COL28A1: variants seen among roughly 807,000 people sequenced by gnomAD.
COL28A1 encodes the protein collagen type XXVIII alpha 1 chain, also known as collagen alpha-1(XXVIII) chain.
A neutral mutation model predicts 150.2 loss-of-function variants in COL28A1; 161 were observed. The observed-to-expected ratio is 1.07, with a 90% CI of 0.94 to 1.22. The LOEUF is 1.22. Among genes scored for constraint, COL28A1 ranks in the 50% most tolerant of loss-of-function variants. COL28A1 has a pLI of 0.00. For synonymous variants in COL28A1, 552 were observed against 469.7 expected, an observed-to-expected ratio of 1.18 and a Z score of -2.26; for missense variants, 1,617 against 1,388.3, an observed-to-expected ratio of 1.16 and a Z score of -2.62.
In COL28A1 at chr7:7,524,253, C is replaced by A. The variant is rs548467851; in HGVS notation, c.682-4G>T. 7.4e-7 allele frequency: 1 copy of A among 1,356,144 alleles called. No individual in the cohort carries two copies. The highest frequency in any genetic ancestry group is 1.4e-5 in the African/African-American group (1 of 70,266). 84.0% of individuals were successfully genotyped at this position (1,356,144 alleles called of 1,614,324 possible). A position where few individuals can be genotyped will look rare whatever the true frequency, so the allele number is the denominator to read the frequency against. ...CCTTCTTTTCAAATAAGATATCCTACAAGGGAAAAAAGAATGAAGCATTAA... is the reference window on the plus strand; with the variant it reads ...CCTTCTTTTCAAATAAGATATCCTAAAAGGGAAAAAAGAATGAAGCATTAA... On this transcript the variant is annotated splice_region_variant and splice_polypyrimidine_tract_variant and intron_variant, in intron 3 of 34. Coordinates refer to ENST00000399429, the MANE Select transcript of COL28A1 (RefSeq NM_001037763.3).
downstream of COL28A1, chr7:7,357,698 T>G (rs1302294818): frequency 6.6e-6 from 1 of 151,806 alleles, no homozygotes; most frequent in African/African-American, 2.4e-5. Flanking sequence ...GCAAGTGCTG[T>G]CTGAACTCAG....
chr7:7,518,795 T>C (rs1781554986), intron 6 of COL28A1, among the ~76,000 whole-genome samples: 1 of 152,122 alleles, frequency 6.6e-6, no homozygotes, highest in African/African-American at 2.4e-5. Flanking sequence ...CAGAAAAAAA[T>C]AATCCTCTGG....
chr7:7,511,962 A>C, intron 8 of COL28A1: 3 of 322,530 alleles, frequency 9.3e-6, no homozygotes, highest in Non-Finnish European at 6.2e-6. Flanking sequence ...CCAATTTTAT[A>C]GATTAAAATT....
chr7:7,531,349 A>C lies in COL28A1; in HGVS notation c.680T>G (p.Leu227Arg). 1 of 1,378,196 alleles carries C rather than the reference A, an allele frequency of 7.3e-7. No homozygotes were observed. The highest frequency in any genetic ancestry group is 1.0e-6 in the Non-Finnish European group (1 of 992,050). The allele number at this position is 1,378,196 out of a possible 1,614,324, so 85.4% of individuals were successfully genotyped here. ...ATAATCAACCCATTAGGTACCTACCAGACGATCTTGAATTTTATCTACAAG... is the reference window on the plus strand; with the variant it reads ...ATAATCAACCCATTAGGTACCTACCCGACGATCTTGAATTTTATCTACAAG... The part of the protein sequence containing the change: ...PTLVDKIQDR[L>R]DILFEKKCER... The change falls in exon 3 of 35, where the codon CTG becomes CGG. Residue 227 changes from leucine (L) to arginine (R), a missense_variant and splice_region_variant. Leu to Arg is a moderately radical substitution (Grantham distance 102). Transcript: ENST00000399429.
chr7:7,430,028 GA>G (rs770687218), intron 25 of COL28A1, among the ~76,000 whole-genome samples: 1 of 152,316 alleles, frequency 6.6e-6, no homozygotes, highest in Middle Eastern at 3.4e-3. Flanking sequence ...AAATACAGGG[GA>G]CTTTTGGAGG....
chr7:7,531,294 C>T, intron 3 of COL28A1, 54 bp downstream of exon 3: 1 of 733,846 alleles, frequency 1.4e-6, no homozygotes, highest in East Asian at 2.6e-5. Flanking sequence ...GGATTTACAA[C>T]AAATATGTCA....
Position 7,483,500 on chromosome 7 carries a change from T to C in COL28A1, c.1164+5889A>G, listed in dbSNP as rs77057825. Among the ~76,000 whole-genome samples the C allele has an allele frequency of 8.0e-3, 1,213 of 152,260 alleles. 16 individuals are homozygous for C. The highest frequency in any genetic ancestry group is 0.028 in the African/African-American group (1,153 of 41,550). ...GCTGTGTATGAGTTTATGATTTCAA[T>C]TGACATTATCTAAGTGGTTCATGAA... On this transcript the variant is annotated intron_variant, in intron 13 of 34. Transcript: ENST00000399429.
intron 15 of COL28A1, among the ~76,000 whole-genome samples, chr7:7,473,896 CAT>C (rs1363223238): frequency 6.7e-6 from 1 of 149,704 alleles, no homozygotes; most frequent in Non-Finnish European, 1.5e-5. Flanking sequence ...TGTTTGTTTA[CAT>C]ATATAGTGTG....
chr7:7,351,154 GT>G, the COL28A1 span, among the ~76,000 whole-genome samples: 3 of 152,088 alleles, frequency 2.0e-5, no homozygotes, highest in Admixed American at 6.6e-5. Context: ...GAACATTCTG[GT>G]TTGTTCTTCT....
chr7:7,517,855 C>T lies in COL28A1; in HGVS notation c.814-18G>A. ...GCGTTGCCCTGTGACAAACAAAAAA[C>T]AGTAAAAATTCCACAGCCCTGAAGA... On this transcript the variant is annotated intron_variant, in intron 6 of 34. Transcript: ENST00000399429. The T allele has an allele frequency of 6.2e-7, 1 of 1,613,420 alleles. No homozygotes were observed. The highest frequency in any genetic ancestry group is 8.5e-7 in the Non-Finnish European group (1 of 1,179,554).
At chr7:7,438,461 G>C (rs1184176177) in intron 21 of COL28A1, among the ~76,000 whole-genome samples, 1 of 152,106 alleles carries the variant, frequency 6.6e-6, no homozygotes, top group African/African-American at 2.4e-5. Flanking sequence ...CACAGTTCTG[G>C]GTTCAAACTC....
chr7:7,355,289 C>T (rs1414126037), downstream of COL28A1, among the ~76,000 whole-genome samples: 1 of 152,012 alleles, frequency 6.6e-6, no homozygotes. Context: ...GGTAAATAAA[C>T]ATGGTAAGGT....
At chr7:7,519,814 T>C (rs1483180026) in intron 6 of COL28A1, among the ~76,000 whole-genome samples, 1 of 152,174 alleles carries the variant, frequency 6.6e-6, no homozygotes, top group Non-Finnish European at 1.5e-5. Context: ...CTAGTTTCTG[T>C]TTATTCAATG....
intron 20 of COL28A1, among the ~76,000 whole-genome samples, chr7:7,443,226 T>C (rs1462898509): frequency 6.6e-6 from 1 of 152,156 alleles, no homozygotes; most frequent in Non-Finnish European, 1.5e-5. Flanking sequence ...TTCAATAAAG[T>C]GATATTTCTT....
intron 21 of COL28A1, among the ~76,000 whole-genome samples, chr7:7,438,092 A>T (rs78367682): frequency 6.6e-6 from 1 of 151,998 alleles, no homozygotes; most frequent in Non-Finnish European, 1.5e-5. Context: ...AAAAAAAAAA[A>T]ATAGCCAAAA....
At chr7:7,515,958 T>A in intron 7 of COL28A1, 118 bp from the exon 8 acceptor site, 1 of 621,420 alleles carries the variant, frequency 1.6e-6, no homozygotes, top group East Asian at 2.9e-5. Flanking sequence ...GTCTGGAAAA[T>A]TAGATCATAG....
At chr7:7,433,725 G>A (rs538176948) in intron 23 of COL28A1, among the ~76,000 whole-genome samples, 1 of 151,150 alleles carries the variant, frequency 6.6e-6, no homozygotes, top group African/African-American at 2.4e-5. Context: ...ATATTCCACT[G>A]ATCTGTTACA....
intron 27 of COL28A1, among the ~76,000 whole-genome samples, chr7:7,393,087 T>C (rs1197381447): frequency 6.6e-6 from 1 of 152,210 alleles, no homozygotes; most frequent in African/African-American, 2.4e-5. Context: ...TTTCCTCATC[T>C]TCATGGATTT....
At chr7:7,446,884 A>G (rs1052838527) in intron 18 of COL28A1, among the ~76,000 whole-genome samples, 2 of 152,198 alleles carry the variant, frequency 1.3e-5, no homozygotes, top group African/African-American at 4.8e-5. Flanking sequence ...TTACACAGAG[A>G]AAACTATAAG....
Sources: gnomAD v4.1 joint callset for allele counts (sites outside exome capture counted in the v4.1 genomes callset) on GRCh38, gnomAD v4.1.1 for gene constraint, MANE v1.5 for transcripts, NCBI Gene and HGNC (gene_info 2026-07-23, HGNC 2026-07-21) for gene names.